TRAPPC14: variants seen among roughly 807,000 people sequenced by gnomAD.
The protein encoded by TRAPPC14 is microtubule associated protein 11.
A neutral mutation model predicts 56.6 loss-of-function variants in TRAPPC14; 24 were observed. The ratio of observed to expected loss-of-function variants is 0.42; its 90% CI spans 0.31 to 0.60. The LOEUF (loss-of-function observed/expected upper bound fraction) is 0.60. Ranked by LOEUF, TRAPPC14 falls within the 20% of genes least tolerant of loss-of-function variation. The pLI is 0.14. For missense variants in TRAPPC14, 615 were observed against 790.3 expected (o/e 0.78, Z 2.66); for synonymous variants, 377 against 347.0 (o/e 1.09, Z -0.96).
intron 7 of TRAPPC14, 36 bp from the exon 8 acceptor site, chr7:100,156,585 G>A (rs1375292845): frequency 1.2e-6 from 2 of 1,612,718 alleles, no homozygotes; most frequent in Admixed American, 1.7e-5. Flanking sequence ...GGCTGTGTGT[G>A]TCAGGCCACA....
At chr7:100,155,954 G>A in intron 8 of TRAPPC14, 129 bp from the exon 9 acceptor site, 1 of 1,222,654 alleles carries the variant, frequency 8.2e-7, no homozygotes, top group Non-Finnish European at 1.2e-6. Context: ...TATCTTTTGT[G>A]CATGTTGTAG....
chr7:100,158,199 C>G lies in TRAPPC14; in HGVS notation c.301G>C (p.Asp101His). The part of the protein sequence containing the change: ...MPGGGGAGDQ[D>H]SEPPGGGDPG... Reference sequence around the variant, plus strand: ...TCCCCTCCCCCTGGGGGCTCCGAATCCTGGTCGCCGGCGCCGCCGCCCCCC... The same window carrying G: ...TCCCCTCCCCCTGGGGGCTCCGAATGCTGGTCGCCGGCGCCGCCGCCCCCC... The change falls in exon 1 of 11, where the codon GAT (aspartate) becomes CAT (histidine). Residue 101 changes from aspartate to histidine, a missense_variant. Physicochemically the swap from Asp to His is moderately conservative, Grantham distance 81. Coordinates refer to ENST00000316937, the MANE Select transcript of TRAPPC14 (RefSeq NM_018275.5). 1 of 1,458,206 alleles carries G rather than the reference C, an allele frequency of 6.9e-7. No homozygotes were observed. The highest frequency in any genetic ancestry group is 9.0e-7 in the Non-Finnish European group (1 of 1,114,226). The allele number at this position is 1,458,206 out of a possible 1,614,324, so 90.3% of individuals were successfully genotyped here. A position where few individuals can be genotyped will look rare whatever the true frequency, so the allele number is the denominator to read the frequency against.
rs200403403 is a variant in TRAPPC14, at chr7:100,155,627, A to G, written c.1395+44T>C. The G allele has an allele frequency of 4.0e-5, 62 of 1,546,580 alleles. No individual in the cohort carries two copies. In the East Asian group the frequency reaches 1.3e-3, roughly 33 times the overall value. ...GGGTCCTGCCTCCGTCCACCCCAGCATTCTGCATCACTCAGCACTCAGCCC... is the reference window on the plus strand; with the variant it reads ...GGGTCCTGCCTCCGTCCACCCCAGCGTTCTGCATCACTCAGCACTCAGCCC... On this transcript the variant is annotated intron_variant, in intron 9 of 10. Transcript: ENST00000316937.
In TRAPPC14 at chr7:100,156,526, C is replaced by T. The variant is rs866454876; in HGVS notation, c.1100G>A (p.Arg367His). 3 of 1,614,086 alleles carry T rather than the reference C, an allele frequency of 1.9e-6. No homozygotes were observed. Among genetic ancestry groups the T allele is most frequent in the Non-Finnish European group, 2.5e-6 (3 of 1,180,002 alleles). ...AGAAGCGGTCATCACAAAACACGGG[C>T]GGTCCAAGCGGACACTGGGCAGGCT... The part of the protein sequence containing the change: ...HYRLPSVRLD[R>H]PCFVMTASCK... Residue 367 changes from arginine to histidine, a missense_variant, in exon 8 of 11, where the codon CGC (arginine) becomes CAC (histidine). Transcript: ENST00000316937.
chr7:100,157,534 C>G, intron 3 of TRAPPC14, 75 bp from the exon 4 acceptor site: 1 of 1,607,004 alleles, frequency 6.2e-7, no homozygotes, highest in Non-Finnish European at 8.5e-7. Flanking sequence ...TCTCACCTTC[C>G]TCTTCTCAGA....
Position 100,158,673 on chromosome 7 carries a change from C to A in TRAPPC14, c.-174G>T. The A allele has an allele frequency of 1.8e-6, 1 of 541,378 alleles. No individual in the cohort carries two copies. Among genetic ancestry groups the A allele is most frequent in the Non-Finnish European group, 2.8e-6 (1 of 355,064 alleles). 33.5% of individuals were successfully genotyped at this position (541,378 alleles called of 1,614,324 possible). ...GCAACGAACCCGAACCGAGACCCGG[C>A]AGCGCCGGAACCGGGGTACTGAGCC... On this transcript the variant is annotated 5_prime_UTR_variant, in exon 1 of 11. Transcript: ENST00000316937.
Position 100,158,698 on chromosome 7 carries a change from C to G in TRAPPC14, c.-199G>C, listed in dbSNP as rs1798940504. 4.5e-6 allele frequency: 2 copies of G among 445,574 alleles called. No homozygotes were observed. The highest frequency in any genetic ancestry group is 3.2e-4 in the Middle Eastern group (1 of 3,126). The allele number at this position is 445,574 out of a possible 1,614,324, so 27.6% of individuals were successfully genotyped here. A position where few individuals can be genotyped will look rare whatever the true frequency, so the allele number is the denominator to read the frequency against. The stretch of plus-strand genomic sequence containing the variant: ...CAGCGCCGGAACCGGGGTACTGAGC[C>G]GAATGACTGGAGAGAAACAGGAAGC... On this transcript the variant is annotated 5_prime_UTR_variant, in exon 1 of 11. Transcript: ENST00000316937.
Position 100,157,736 on chromosome 7 carries a change from C to G in TRAPPC14, c.534G>C (p.Glu178Asp). ...GATCTCTGACCTCTGGTGCCTCAAT[C>G]TCCCGCTTCCACACAGTCACTACAA... ...AKIVVTVWKR[E>D]IEAPEVRDQG... The change falls in exon 3 of 11, where the codon GAG (glutamate) becomes GAC (aspartate). Residue 178 changes from glutamate to aspartate, a missense_variant. Coordinates refer to ENST00000316937, the MANE Select transcript of TRAPPC14 (RefSeq NM_018275.5). 6.2e-7 allele frequency: 1 copy of G among 1,614,248 alleles called. No individual in the cohort carries two copies.
At chr7:100,155,940 A>G in intron 8 of TRAPPC14, 115 bp from the exon 9 acceptor site, 1 of 1,342,188 alleles carries the variant, frequency 7.5e-7, no homozygotes. Context: ...AACTGAGCAA[A>G]CGTTATCTTT....
At chr7:100,157,520 G>C in intron 3 of TRAPPC14, 61 bp from the exon 4 acceptor site, 1 of 1,606,586 alleles carries the variant, frequency 6.2e-7, no homozygotes. Context: ...CTCCAACCCA[G>C]AATTCTCACC....
In TRAPPC14 at chr7:100,155,373, T is replaced by C; in HGVS notation, c.1478A>G (p.Lys493Arg). 6.5e-7 allele frequency: 1 copy of C among 1,549,960 alleles called. No homozygotes were observed. Residue 493 changes from lysine (K) to arginine (R), a missense_variant, in exon 10 of 11, where the codon AAG (lysine) becomes AGG (arginine). By Grantham distance (26) the Lys-to-Arg change is conservative. Transcript: ENST00000316937. ...GACAGCAGGGCTGCTGGGGCTGCTC[T>C]TGCGGGAGAGGGGCCGGGCCTCGGG... is the stretch of plus-strand genomic sequence containing the variant. ...PPPEARPLSR[K>R]SSPSSPAVRD...
chr7:100,156,004 C>T (rs761483731), intron 8 of TRAPPC14, 179 bp from the exon 9 acceptor site: 20 of 830,214 alleles, frequency 2.4e-5, no homozygotes, highest in Admixed American at 5.3e-5. Flanking sequence ...AGGCACGTCA[C>T]GTATATTAAC....
At chr7:100,156,137 A>C in intron 8 of TRAPPC14, 1 of 614,666 alleles carries the variant, frequency 1.6e-6, no homozygotes, top group South Asian at 1.8e-5. Context: ...AGAGAAGTAG[A>C]GTTCACACCA....
At position 100,155,755 on chromosome 7, in the gene TRAPPC14, G is replaced by A. The variant is rs1798864838; in HGVS notation, c.1311C>T (p.Pro437=). ...TCCGGGAAAAGCCAAGGTTGTTGAG[G>A]GGCGTGTGGCAGACGACGGAGTCCA... The part of the protein sequence containing the change: ...AALDSVVCHT[P]LNNLGFSRKG... The change falls in exon 9 of 11, where the codon CCC becomes CCT. Residue 437 remains proline, a synonymous_variant. Coordinates refer to ENST00000316937, the MANE Select transcript of TRAPPC14 (RefSeq NM_018275.5). 6.2e-7 allele frequency: 1 copy of A among 1,614,092 alleles called. No individual in the cohort carries two copies. The highest frequency in any genetic ancestry group is 1.7e-5 in the Admixed American group (1 of 60,008).
rs1798925173 is a variant in TRAPPC14 at position 100,158,186 on chromosome 7, G to C, written c.314C>G (p.Pro105Arg). 6.9e-7 allele frequency: 1 copy of C among 1,454,640 alleles called. No individual in the cohort carries two copies. Among genetic ancestry groups the C allele is most frequent in the Admixed American group, 2.7e-5 (1 of 36,908 alleles). 90.1% of individuals were successfully genotyped at this position (1,454,640 alleles called of 1,614,324 possible). Residue 105 changes from proline (P) to arginine (R), a missense_variant, in exon 1 of 11, where the codon CCA becomes CGA. Coordinates refer to ENST00000316937, the MANE Select transcript of TRAPPC14 (RefSeq NM_018275.5). The part of the protein sequence containing the change: ...GGAGDQDSEP[P>R]GGGDPGGGGL... ...CCCACCCCCAGGATCCCCTCCCCCT[G>C]GGGGCTCCGAATCCTGGTCGCCGGC...
rs773028777 is a variant in TRAPPC14 at position 100,156,854 on chromosome 7, C to T, written c.984G>A (p.Gly328=). ...AGCCCCTTATGCTCACCTCCTTGGC[C>T]CCTGGAGGGGGCTGCTCACCCCCTC... ...QLRGGEQPPP[G]AKEGLEVPLI... The change falls in exon 6 of 11, where the codon GGG becomes GGA. Residue 328 remains glycine (G), a synonymous_variant. Transcript: ENST00000316937. 3 of 1,613,964 alleles carry T rather than the reference C, an allele frequency of 1.9e-6. No individual in the cohort carries two copies. The highest frequency in any genetic ancestry group is 2.5e-6 in the Non-Finnish European group (3 of 1,180,024).
Position 100,157,817 on chromosome 7 carries a change from A to G in TRAPPC14, c.507+26T>C, listed in dbSNP as rs746944525. 7 of 1,613,114 alleles carry G rather than the reference A, an allele frequency of 4.3e-6. No homozygotes were observed. The African/African-American group carries it at 9.3e-5, about 22-fold the overall frequency. On this transcript the variant is annotated intron_variant, in intron 2 of 10. Coordinates refer to ENST00000316937, the MANE Select transcript of TRAPPC14 (RefSeq NM_018275.5). Reference sequence around the variant, plus strand: ...CCGGAAAAGGTGTCTGAATTAGGACAATAGCTCCACTCTTGCTCATCTTAC... The same window carrying G: ...CCGGAAAAGGTGTCTGAATTAGGACGATAGCTCCACTCTTGCTCATCTTAC...
chr7:100,157,598 A>G, intron 3 of TRAPPC14, 35 bp downstream of exon 3: 1 of 1,610,662 alleles, frequency 6.2e-7, no homozygotes, highest in Non-Finnish European at 8.5e-7. Context: ...CAATTCCCAG[A>G]CTCTAGCCCT....
chr7:100,156,744 C>A (rs1374956849), intron 6 of TRAPPC14, 28 bp from the exon 7 acceptor site: 6 of 1,603,888 alleles, frequency 3.7e-6, no homozygotes, highest in South Asian at 1.1e-5. Flanking sequence ...GGGGTTGGCA[C>A]AGGTATTAAG....
Sources: allele counts gnomAD v4.1 joint callset, GRCh38; gene constraint gnomAD v4.1.1; transcripts MANE v1.5; gene names NCBI Gene and HGNC (gene_info 2026-07-23, HGNC 2026-07-21).